The following BMP7 variants were observed in gnomAD, a reference collection of about 807,000 sequenced individuals.
BMP7 encodes the protein bone morphogenetic protein 7.
BMP7 carries 12 observed loss-of-function variants against 41.2 expected under a neutral mutation model. The observed-to-expected ratio is 0.29, with a 90% CI of 0.19 to 0.47. BMP7 has a LOEUF of 0.47. BMP7 is among the 20% of genes least tolerant of loss of function. The probability of loss-of-function intolerance (pLI) is 0.99; values close to 1 mark genes in which losing one functional copy is unlikely to be tolerated. For missense variants in BMP7, 467 were observed against 606.0 expected (o/e 0.77, Z 2.41); for synonymous variants, 248 against 250.0 (o/e 0.99, Z 0.07).
chr20:57,240,762 T>A (rs1327669942), intron 1 of BMP7, among the ~76,000 whole-genome samples: 1 of 152,172 alleles, frequency 6.6e-6, no homozygotes, highest in Non-Finnish European at 1.5e-5. Flanking sequence ...AAACCCCTGA[T>A]CAAACCATCA....
intron 1 of BMP7, among the ~76,000 whole-genome samples, chr20:57,251,601 A>T (rs2066113943): frequency 6.6e-6 from 1 of 152,160 alleles, no homozygotes; most frequent in Non-Finnish European, 1.5e-5. Flanking sequence ...AGTGTGGCTG[A>T]GTCACTGTCT....
At position 57,168,855 on chromosome 20, in the gene BMP7, T is replaced by C. The variant is rs1230235211; in HGVS notation, c.*2104A>G. ...GACTGCTCGACGCAACAGCTGTGAG[T>C]ACATTGGTCCAACCATTAATAAATA... On this transcript the variant is annotated 3_prime_UTR_variant, in exon 7 of 7. Coordinates refer to ENST00000395863, the MANE Select transcript of BMP7 (RefSeq NM_001719.3). 3 of 151,242 alleles carry C rather than the reference T, an allele frequency of 2.0e-5. No individual in the cohort carries two copies. Among genetic ancestry groups the C allele is most frequent in the African/African-American group, 4.9e-5 (2 of 40,828 alleles). The allele number at this position is 151,242 out of a possible 1,614,324, so 9.4% of individuals were successfully genotyped here. A position where few individuals can be genotyped will look rare whatever the true frequency, so the allele number is the denominator to read the frequency against.
intron 1 of BMP7, among the ~76,000 whole-genome samples, chr20:57,252,312 G>T (rs1600644677): frequency 6.6e-6 from 1 of 152,322 alleles, no homozygotes; most frequent in Middle Eastern, 3.4e-3. Context: ...GGCTGGAGTT[G>T]GCCCGCGGGC....
chr20:57,204,179 C>T (rs893949794), intron 2 of BMP7, among the ~76,000 whole-genome samples: 1 of 152,156 alleles, frequency 6.6e-6, no homozygotes, highest in Non-Finnish European at 1.5e-5. Flanking sequence ...CAGTCAACCT[C>T]GTTGGAATGT....
At chr20:57,265,491 A>T (rs1600650715) in intron 1 of BMP7, among the ~76,000 whole-genome samples, 1 of 152,202 alleles carries the variant, frequency 6.6e-6, no homozygotes, top group East Asian at 1.9e-4. Context: ...CCTTCCCAGT[A>T]ACCCCTACAG....
Position 57,259,596 on chromosome 20 carries a change from C to T in BMP7, c.418+6109G>A, listed in dbSNP as rs1419810286. The stretch of plus-strand genomic sequence containing the variant: ...TAAAGCAATTACCCTAAAGCTGGTG[C>T]TCTCGGAGTTGTCATTAATTCAATC... On this transcript the variant is annotated intron_variant, in intron 1 of 6. Coordinates refer to ENST00000395863, the MANE Select transcript of BMP7 (RefSeq NM_001719.3). The surrounding 1 kb of genome is among the most constrained non-coding windows in gnomAD (Gnocchi z 4.7). Among the ~76,000 whole-genome samples, 4 of 152,316 alleles carry T rather than the reference C, an allele frequency of 2.6e-5. No homozygotes were observed. In the East Asian group the frequency reaches 5.8e-4, roughly 22 times the overall value.
At chr20:57,233,552 C>T (rs1287436770) in intron 1 of BMP7, among the ~76,000 whole-genome samples, 2 of 152,214 alleles carry the variant, frequency 1.3e-5, no homozygotes, top group African/African-American at 4.8e-5. Flanking sequence ...CTGGGCGCCC[C>T]CCCTTCATGA....
intron 2 of BMP7, among the ~76,000 whole-genome samples, chr20:57,222,893 A>C (rs1020901162): frequency 6.6e-6 from 1 of 151,180 alleles, no homozygotes; most frequent in Admixed American, 6.6e-5. Context: ...GTCCAAAGGG[A>C]TCTTCACCCT....
chr20:57,258,518 G>T (rs967408573), intron 1 of BMP7, among the ~76,000 whole-genome samples: 3 of 152,162 alleles, frequency 2.0e-5, no homozygotes, highest in Admixed American at 1.3e-4. Context: ...CTTCAATAAT[G>T]CAATTTTTTA....
chr20:57,257,529 T>C (rs1448155368), intron 1 of BMP7, among the ~76,000 whole-genome samples: 3 of 152,202 alleles, frequency 2.0e-5, no homozygotes, highest in Non-Finnish European at 4.4e-5. Context: ...CTTAAATTTC[T>C]ATTTTTGTCT....
chr20:57,182,118 T>G (rs1984097767), intron 4 of BMP7, among the ~76,000 whole-genome samples: 1 of 152,164 alleles, frequency 6.6e-6, no homozygotes, highest in South Asian at 2.1e-4. Flanking sequence ...ACCCCTCCAG[T>G]CCACTGGAAA....
At chr20:57,246,303 C>G (rs1438768217) in intron 1 of BMP7, among the ~76,000 whole-genome samples, 4 of 152,232 alleles carry the variant, frequency 2.6e-5, no homozygotes, top group Non-Finnish European at 5.9e-5. Flanking sequence ...AACAGAAGCT[C>G]TTTGGGAAAA....
chr20:57,248,454 T>C (rs1360252610), intron 1 of BMP7, among the ~76,000 whole-genome samples: 1 of 152,164 alleles, frequency 6.6e-6, no homozygotes, highest in African/African-American at 2.4e-5. Context: ...AAGGAACTTC[T>C]AGGAAACCAA....
In BMP7 at chr20:57,225,037, C is replaced by T. The variant is rs141276794; in HGVS notation, c.611+3192G>A. Among the ~76,000 whole-genome samples, 574 of 152,334 alleles carry T rather than the reference C, an allele frequency of 3.8e-3. 6 individuals are homozygous for T. The highest frequency in any genetic ancestry group is 0.013 in the African/African-American group (556 of 41,578). Reference sequence around the variant, plus strand: ...GCACAGCTCGTCAGATGTCCCAGCCCTGCACAGCTGGGCAGCTGGCGGCAC... The same window carrying T: ...GCACAGCTCGTCAGATGTCCCAGCCTTGCACAGCTGGGCAGCTGGCGGCAC... On this transcript the variant is annotated intron_variant, in intron 2 of 6. Coordinates refer to ENST00000395863, the MANE Select transcript of BMP7 (RefSeq NM_001719.3).
intron 3 of BMP7, among the ~76,000 whole-genome samples, chr20:57,192,646 A>G (rs73287972): frequency 0.01 from 1,580 of 152,046 alleles, 23 homozygotes; most frequent in African/African-American, 0.035. Context: ...CCTGCATCAT[A>G]TTTTAACCAT....
chr20:57,195,562 C>T (rs370468678), intron 3 of BMP7, among the ~76,000 whole-genome samples: 6 of 152,248 alleles, frequency 3.9e-5, no homozygotes, highest in African/African-American at 1.4e-4. Flanking sequence ...GTGAAGCAAT[C>T]GCATGGAGCG....
In BMP7 at chr20:57,230,679, A is replaced by G. The variant is rs1370881953; in HGVS notation, c.419-2258T>C. ...GGCCGTTCCTCTGCTTGTTTGTAGA[A>G]CTTTTTTTTTTTTTTGAGACAGAGT... On this transcript the variant is annotated intron_variant, in intron 1 of 6. Coordinates refer to ENST00000395863, the MANE Select transcript of BMP7 (RefSeq NM_001719.3). Among the ~76,000 whole-genome samples, 12 of 115,074 alleles carry G rather than the reference A, an allele frequency of 1.0e-4. No homozygotes were observed. The East Asian group carries it at 2.4e-3, about 23-fold the overall frequency. The allele number at this position is 115,074 out of a possible 152,430, so 75.5% of individuals were successfully genotyped here.
intron 2 of BMP7, among the ~76,000 whole-genome samples, chr20:57,226,636 C>T (rs949163542): frequency 1.3e-5 from 2 of 152,146 alleles, no homozygotes; most frequent in African/African-American, 4.8e-5. Flanking sequence ...AAGCCAGAGG[C>T]AGGAGTGAGT....
chr20:57,232,090 C>T (rs950012291), intron 1 of BMP7, among the ~76,000 whole-genome samples: 1 of 152,202 alleles, frequency 6.6e-6, no homozygotes, highest in Non-Finnish European at 1.5e-5. Context: ...AACTCCAAAG[C>T]TCACCCTCTT....
Sources: allele counts gnomAD v4.1 joint callset (sites outside exome capture counted in the v4.1 genomes callset), GRCh38; gene constraint gnomAD v4.1.1; non-coding constraint Gnocchi (gnomAD v3.1); transcripts MANE v1.5; gene names NCBI Gene and HGNC (gene_info 2026-07-23, HGNC 2026-07-21).